COL5A3: variants seen among roughly 807,000 people sequenced by gnomAD.
COL5A3 encodes the protein collagen alpha-3(V) chain.
COL5A3 carries 172 observed loss-of-function variants against 250.0 expected under a neutral mutation model. That is an observed-to-expected ratio of 0.69 (90% CI 0.61 to 0.78). The LOEUF (loss-of-function observed/expected upper bound fraction) is 0.78, where lower values mean the gene tolerates loss of function less well. Ranked by LOEUF, COL5A3 falls within the 30% of genes least tolerant of loss-of-function variation. The pLI is 0.00. For synonymous variants in COL5A3, 937 were observed against 900.4 expected (o/e 1.04, Z -0.73); for missense variants, 2,340 against 2,334.4 (o/e 1.00, Z -0.05).
At chr19:9,995,825 G>A (rs1480369809) in intron 15 of COL5A3, among the ~76,000 whole-genome samples, 1 of 152,094 alleles carries the variant, frequency 6.6e-6, no homozygotes, top group Admixed American at 6.6e-5. Context: ...TTTATTTATT[G>A]TATAGACAGG....
rs369176003 is a variant in COL5A3, at chr19:10,009,162, GT to G, written c.88+1135del. Among the ~76,000 whole-genome samples the G allele has an allele frequency of 0.011, 124 of 11,334 alleles. 1 individual carries two copies. The highest frequency in any genetic ancestry group is 0.019 in the African/African-American group (116 of 6,126). The allele number at this position is 11,334 out of a possible 152,430, so 7.4% of individuals were successfully genotyped here. A position where few individuals can be genotyped will look rare whatever the true frequency, so the allele number is the denominator to read the frequency against. ...ACTCCAAAGTAAGAAGTGTGCTGTG[GT>G]GTGTGTGTGTGTGTGTGTGTGTGTG... On this transcript the variant is annotated intron_variant, in intron 1 of 66. Transcript: ENST00000264828. The surrounding 1 kb of genome is among the most constrained non-coding windows in gnomAD (Gnocchi z 4.4).
In COL5A3 at chr19:9,986,397, C is replaced by T. The variant is rs7249989; in HGVS notation, c.2270G>A (p.Arg757Gln). 4,543 of 1,611,986 alleles carry T rather than the reference C, an allele frequency of 2.8e-3. 94 individuals are homozygous for T. The African/African-American group carries it at 0.05, about 18-fold the overall frequency. ...CGGCCCCTCAGGACCATCCTCTCCC[C>T]GGGGACCTGGAGCTCCGGGTTTCCC... ...DQGKPGAPGPRGEDGPEGPKG... is the reference protein window; with the variant it reads ...DQGKPGAPGPQGEDGPEGPKG... Residue 757 changes from arginine to glutamine, a missense_variant, in exon 30 of 67, where the codon CGG becomes CAG. By Grantham distance (43) the Arg-to-Gln change is conservative. Transcript: ENST00000264828.
Position 9,983,574 on chromosome 19 carries a change from AAGAAAGAAAGAAAGAAAGAAAGAAAG to A in COL5A3, c.2407-1482_2407-1457del, listed in dbSNP as rs1568418653. Among the ~76,000 whole-genome samples, 46 of 88,446 alleles carry A rather than the reference AAGAAAGAAAGAAAGAAAGAAAGAAAG, an allele frequency of 5.2e-4. 1 individual carries two copies. The highest frequency in any genetic ancestry group is 5.0e-3 in the Middle Eastern group (1 of 202). The allele number at this position is 88,446 out of a possible 152,430, so 58.0% of individuals were successfully genotyped here. A position where few individuals can be genotyped will look rare whatever the true frequency, so the allele number is the denominator to read the frequency against. ...AAAGAAAGAAAGAAAGAAAGAAAGA[AAGAAAGAAAGAAAGAAAGAAAGAAAG>A]AGAAAGAGAGAGAGAGAGAAAGAAA... On this transcript the variant is annotated intron_variant, in intron 31 of 66. Transcript: ENST00000264828.
Position 9,973,950 on chromosome 19 carries a change from G to A in COL5A3, c.3527C>T (p.Pro1176Leu). 6.5e-7 allele frequency: 1 copy of A among 1,548,162 alleles called. No individual in the cohort carries two copies. The highest frequency in any genetic ancestry group is 2.3e-5 in the East Asian group (1 of 44,196). The change falls in exon 48 of 67, where the codon CCT becomes CTT. Residue 1176 changes from proline to leucine, a missense_variant. Pro to Leu is a moderately conservative substitution (Grantham distance 98, BLOSUM62 -3). This residue lies in a region of COL5A3 where 1,179 missense variants were observed against 1,162.6 expected (regional missense o/e 1.01). Coordinates refer to ENST00000264828, the MANE Select transcript of COL5A3 (RefSeq NM_015719.4). ...GSMGPHGAPG[P>L]RGPQGPTGSE... ...TCCAGTGGGGCCTTGGGGACCCCGA[G>A]GACCTGGAGCTCCATGGGGACCCTG...
chr19:9,994,816 C>A (rs553157356), intron 16 of COL5A3, among the ~76,000 whole-genome samples: 18 of 151,536 alleles, frequency 1.2e-4, no homozygotes, highest in Admixed American at 4.6e-4. Context: ...AATTGTAACA[C>A]TATAGTAAGT....
intron 5 of COL5A3, 48 bp downstream of exon 5, chr19:10,003,993 G>A: frequency 1.4e-6 from 2 of 1,449,176 alleles, no homozygotes; most frequent in Middle Eastern, 1.7e-4. Flanking sequence ...AGCCAGGAAG[G>A]ACCCAGCCTG....
intron 46 of COL5A3, 36 bp downstream of exon 46, chr19:9,974,265 G>A: frequency 1.4e-5 from 22 of 1,611,852 alleles, no homozygotes; most frequent in Non-Finnish European, 1.9e-5. Flanking sequence ...CAGGTAGGGA[G>A]AATCAGAAGT....
At position 9,978,044 on chromosome 19, in the gene COL5A3, C is replaced by CGATT. The variant is rs781728773; in HGVS notation, c.3019-347_3019-344dup. Reference sequence around the variant, plus strand: ...CTGGTCTCAAACTCCTGGGCTCAAGCGATTCTCCAGCCTCAGCCTCCCAAA... The same window carrying CGATT: ...CTGGTCTCAAACTCCTGGGCTCAAGCGATTGATTCTCCAGCCTCAGCCTCCCAAA... On this transcript the variant is annotated intron_variant, in intron 41 of 66. Coordinates refer to ENST00000264828, the MANE Select transcript of COL5A3 (RefSeq NM_015719.4). Among the ~76,000 whole-genome samples, 4 of 150,312 alleles carry CGATT rather than the reference C, an allele frequency of 2.7e-5. 1 individual carries two copies.
intron 45 of COL5A3, 91 bp downstream of exon 45, chr19:9,976,467 G>T: frequency 3.1e-6 from 3 of 971,132 alleles, no homozygotes; most frequent in South Asian, 1.7e-5. Flanking sequence ...TTTGAGGTTT[G>T]GATTAAGTCA....
Position 9,996,248 on chromosome 19 carries a change from G to A in COL5A3, c.1437C>T (p.Gly479=). 1 of 1,573,240 alleles carries A rather than the reference G, an allele frequency of 6.4e-7. No individual in the cohort carries two copies. The highest frequency in any genetic ancestry group is 8.6e-7 in the Non-Finnish European group (1 of 1,162,374). Residue 479 remains glycine (G), a synonymous_variant, in exon 14 of 67, where the codon GGC becomes GGT. Coordinates refer to ENST00000264828, the MANE Select transcript of COL5A3 (RefSeq NM_015719.4). ...CAGTGAGCCCCACTGGACCAGGGGG[G>A]CCTTTCATAGAGAGCTGGAAAGACA... is the stretch of plus-strand genomic sequence containing the variant. ...VLQQTQLSMK[G]PPGPVGLTGR...
In COL5A3 at chr19:10,003,589, T is replaced by C. The variant is rs1377066823; in HGVS notation, c.825A>G (p.Pro275=). The C allele has an allele frequency of 6.2e-7, 1 of 1,613,982 alleles. No individual in the cohort carries two copies. The highest frequency in any genetic ancestry group is 1.7e-5 in the Admixed American group (1 of 59,994). ...CCTGGTTCTCTGCGGAGTCAGGAGG[T>C]GGACTTGAGGTCCAAATTTCCTTGT... ...KKNKEIWTSS[P]PPDSAENQTS... Residue 275 remains proline (P), a synonymous_variant, in exon 6 of 67, where the codon CCA becomes CCG. Coordinates refer to ENST00000264828, the MANE Select transcript of COL5A3 (RefSeq NM_015719.4).
intron 33 of COL5A3, 31 bp from the exon 34 acceptor site, chr19:9,980,890 A>G: frequency 1.3e-6 from 2 of 1,591,684 alleles, no homozygotes. Context: ...AAGATCAGAT[A>G]TGAGGGGGTG....
rs903323360 is a variant in COL5A3 at position 9,967,468 on chromosome 19, AAC to A, written c.4405-70_4405-69del. 2,546 of 976,574 alleles carry A rather than the reference AAC, an allele frequency of 2.6e-3. 7 individuals carry two copies. Among genetic ancestry groups the A allele is most frequent in the African/African-American group, 0.014 (848 of 59,050 alleles). The allele number at this position is 976,574 out of a possible 1,614,324, so 60.5% of individuals were successfully genotyped here. ...GACCCTTCCCACCAACATACACACA[AAC>A]ACACACACACACTCACACACACACT... is the stretch of plus-strand genomic sequence containing the variant. On this transcript the variant is annotated intron_variant, in intron 61 of 66. Transcript: ENST00000264828.
chr19:9,997,316 C>G, intron 11 of COL5A3, 55 bp downstream of exon 11: 1 of 1,378,438 alleles, frequency 7.3e-7, no homozygotes, highest in Non-Finnish European at 1.0e-6. Flanking sequence ...TGTCACGCTC[C>G]CAGCCCCAAA....
At chr19:9,992,467 C>T (rs1043535180) in intron 21 of COL5A3, among the ~76,000 whole-genome samples, 3 of 151,230 alleles carry the variant, frequency 2.0e-5, no homozygotes, top group Non-Finnish European at 4.4e-5. Context: ...CAGATATGGA[C>T]ATGCAGAAGG....
rs1325407149 is a variant in COL5A3, at chr19:9,993,790, T to C, written c.1604A>G (p.Asp535Gly). Residue 535 changes from aspartate to glycine, a missense_variant, in exon 17 of 67, where the codon GAT becomes GGT. By Grantham distance (94) the Asp-to-Gly change is moderately conservative. Around this residue, in one of 3 missense-constraint regions of COL5A3, gnomAD observed 1,152 missense variants for 1,146.3 expected, o/e 1.00. Transcript: ENST00000264828. The stretch of plus-strand genomic sequence containing the variant: ...GTCCCCTGGGAGGCCCCGAGCTCCA[T>C]CTGCTCCAGGGCGGCCCTATGGAGA... ...RVGKMGRPGA[D>G]GARGLPGDTG... 2.5e-6 allele frequency: 4 copies of C among 1,614,172 alleles called. No homozygotes were observed. In the East Asian group the frequency reaches 8.9e-5, roughly 36 times the overall value.
At chr19:9,996,927 G>A (rs114560666) in intron 11 of COL5A3, 5,884 of 555,400 alleles carry the variant, frequency 0.011, 212 homozygotes, top group East Asian at 0.071. Flanking sequence ...AGAAGGATGG[G>A]GGCAGATGGA....
chr19:9,986,818 T>C, intron 27 of COL5A3, 60 bp from the exon 28 acceptor site: 1 of 1,581,734 alleles, frequency 6.3e-7, no homozygotes, highest in Non-Finnish European at 8.7e-7. Flanking sequence ...TGACCCAGAC[T>C]CAGTCCCCTG....
At chr19:9,967,300 T>TC (rs1311292247) in intron 62 of COL5A3, 47 bp downstream of exon 62, 3 of 1,346,732 alleles carry the variant, frequency 2.2e-6, no homozygotes, top group South Asian at 1.9e-5. Flanking sequence ...GTCCTTGCTC[T>TC]CCCCCCAGGT....
Sources: gnomAD v4.1 joint callset for allele counts (sites outside exome capture counted in the v4.1 genomes callset) on GRCh38, gnomAD v4.1.1 for gene constraint, gnomAD v4.1.1 regional missense constraint, Gnocchi (gnomAD v3.1) non-coding constraint, MANE v1.5 for transcripts, NCBI Gene and HGNC (gene_info 2026-07-23, HGNC 2026-07-21) for gene names.